GOLGA5: variants seen among roughly 807,000 people sequenced by gnomAD.
The protein encoded by GOLGA5 is golgin A5.
Under a neutral mutation model 93.5 loss-of-function variants are expected in GOLGA5, and 50 were observed. The observed-to-expected ratio is 0.53, with a 90% CI of 0.43 to 0.68. The LOEUF (loss-of-function observed/expected upper bound fraction) is 0.68. GOLGA5 is among the 30% of genes least tolerant of loss of function. The pLI, the probability that GOLGA5 is intolerant of heterozygous loss-of-function variation, is 0.00. For synonymous variants in GOLGA5, 312 were observed against 304.5 expected (o/e 1.02, Z -0.26); for missense variants, 760 against 856.4 (o/e 0.89, Z 1.40).
chr14:92,798,678 C>T (rs926986283), intron 2 of GOLGA5, among the ~76,000 whole-genome samples: 3 of 152,264 alleles, frequency 2.0e-5, no homozygotes, highest in South Asian at 2.1e-4. Context: ...CACTTTGGAA[C>T]GCTGAGGCAG....
intron 9 of GOLGA5, 123 bp downstream of exon 9, chr14:92,824,767 A>G (rs1566959190): frequency 1.7e-6 from 1 of 595,200 alleles, no homozygotes; most frequent in Non-Finnish European, 3.0e-6. Flanking sequence ...AGTGGTGACA[A>G]AAGTTCTTTT....
rs375012765 is a variant in GOLGA5 at position 92,811,520 on chromosome 14, T to C, written c.1117-31T>C. The C allele has an allele frequency of 6.0e-6, 8 of 1,339,846 alleles. No individual in the cohort carries two copies. In the African/African-American group the frequency reaches 1.0e-4, roughly 17 times the overall value. The allele number at this position is 1,339,846 out of a possible 1,614,324, so 83.0% of individuals were successfully genotyped here. On this transcript the variant is annotated intron_variant, in intron 5 of 12. Transcript: ENST00000163416. ...AAATATGTTTCAAAGCTAAATGATA[T>C]CATTAATTATGATATAAAAATTTGT... is the stretch of plus-strand genomic sequence containing the variant.
chr14:92,811,850 A>G, intron 6 of GOLGA5, 96 bp downstream of exon 6: 2 of 873,222 alleles, frequency 2.3e-6, no homozygotes, highest in Non-Finnish European at 1.9e-6. Context: ...TGCTTTGTTC[A>G]TGTTCGTCTG....
intron 5 of GOLGA5, 144 bp from the exon 6 acceptor site, chr14:92,811,407 C>T (rs1885099021): frequency 1.6e-6 from 1 of 621,380 alleles, no homozygotes; most frequent in Admixed American, 3.0e-5. Flanking sequence ...TACTTTAGCT[C>T]CTAACAAATT....
chr14:92,811,273 A>G (rs185011016), intron 5 of GOLGA5, among the ~76,000 whole-genome samples: 26 of 152,270 alleles, frequency 1.7e-4, no homozygotes, highest in African/African-American at 6.0e-4. Context: ...AGATTCCCAG[A>G]CCCATCTTGA....
rs759581860 is a variant in GOLGA5, at chr14:92,835,658, A to G, written c.2045A>G (p.Gln682Arg). The G allele has an allele frequency of 3.8e-6, 6 of 1,596,844 alleles. No homozygotes were observed. In the African/African-American group the frequency reaches 6.7e-5, roughly 18 times the overall value. The change falls in exon 11 of 13, where the codon CAG (glutamine) becomes CGG (arginine). Residue 682 changes from glutamine (Q) to arginine (R), a missense_variant. By Grantham distance (43) the Gln-to-Arg change is conservative. Coordinates refer to ENST00000163416, the MANE Select transcript of GOLGA5 (RefSeq NM_005113.4). ...CGCAAAGCTGCTAGTTCAATTGATC[A>G]GTTTAGGTAAGCAATGCCAGTAGGG... ...KVRKAASSIDQFSIRLGIFLR... is the reference protein window; with the variant it reads ...KVRKAASSIDRFSIRLGIFLR...
chr14:92,800,830 G>A lies in GOLGA5; in HGVS notation c.544+2849G>A, dbSNP rs1951177. Among the ~76,000 whole-genome samples the A allele has an allele frequency of 2.5e-3, 384 of 152,322 alleles. 1 individual carries two copies. The highest frequency in any genetic ancestry group is 4.2e-3 in the Non-Finnish European group (285 of 68,018). ...TATTTTTGTACTTTTAAAGAAAGCA[G>A]CTTGCATTTAATTAGAAAGAATGGA... On this transcript the variant is annotated intron_variant, in intron 2 of 12. Coordinates refer to ENST00000163416, the MANE Select transcript of GOLGA5 (RefSeq NM_005113.4).
intron 1 of GOLGA5, among the ~76,000 whole-genome samples, chr14:92,796,794 C>A (rs1484649410): frequency 1.3e-5 from 1 of 78,124 alleles, no homozygotes. Flanking sequence ...CAAGGTGAAA[C>A]CCCGTCTCTA....
At chr14:92,834,644 T>C (rs944103913) in intron 10 of GOLGA5, among the ~76,000 whole-genome samples, 6 of 152,188 alleles carry the variant, frequency 3.9e-5, no homozygotes, top group African/African-American at 1.2e-4. Context: ...AAGACACTTG[T>C]GTAAGATGAA....
intron 9 of GOLGA5, among the ~76,000 whole-genome samples, chr14:92,825,302 G>A (rs1203142588): frequency 6.6e-6 from 1 of 152,140 alleles, no homozygotes; most frequent in Admixed American, 6.5e-5. Context: ...GGTCTTTTAA[G>A]TTTCCAGACT....
Position 92,816,305 on chromosome 14 carries a change from G to A in GOLGA5, c.1375G>A (p.Asp459Asn). 6.2e-7 allele frequency: 1 copy of A among 1,613,998 alleles called. No individual in the cohort carries two copies. Among genetic ancestry groups the A allele is most frequent in the South Asian group, 1.1e-5 (1 of 91,070 alleles). Reference protein sequence around the residue: ...LKEGSGFEGLDSSTASSMELE... With the variant: ...LKEGSGFEGLNSSTASSMELE... ...AGAAGGCTCTGGTTTTGAAGGCCTA[G>A]ATAGCAGCACTGCCAGTAGCATGGA... Residue 459 changes from aspartate (D) to asparagine (N), a missense_variant, in exon 7 of 13, where the codon GAT (aspartate) becomes AAT (asparagine). By Grantham distance (23) the Asp-to-Asn change is conservative. Transcript: ENST00000163416.
chr14:92,837,345 C>T (rs1263454866), intron 11 of GOLGA5, 41 bp from the exon 12 acceptor site: 1 of 947,550 alleles, frequency 1.1e-6, no homozygotes. Flanking sequence ...TTGACTGTGA[C>T]TCTTCTCTCT....
chr14:92,834,308 C>G (rs34334684), intron 10 of GOLGA5, among the ~76,000 whole-genome samples: 1 of 151,480 alleles, frequency 6.6e-6, no homozygotes, highest in Non-Finnish European at 1.5e-5. Flanking sequence ...CCCATTAACT[C>G]GTCATTTAGC....
chr14:92,831,550 G>T (rs1341408272), intron 9 of GOLGA5, among the ~76,000 whole-genome samples: 3 of 152,074 alleles, frequency 2.0e-5, no homozygotes, highest in Non-Finnish European at 4.4e-5. Flanking sequence ...TGGAAACATT[G>T]TTTGTTTTGA....
chr14:92,814,005 T>G (rs117643032), intron 6 of GOLGA5, among the ~76,000 whole-genome samples: 6 of 152,030 alleles, frequency 3.9e-5, no homozygotes, highest in Non-Finnish European at 7.4e-5. Flanking sequence ...GAATGATGTT[T>G]CCTTGTGTTA....
chr14:92,796,955 C>A (rs1455319055), intron 1 of GOLGA5, among the ~76,000 whole-genome samples: 1 of 95,108 alleles, frequency 1.1e-5, no homozygotes, highest in Non-Finnish European at 1.8e-5. Context: ...CCGGCCTGGG[C>A]GACAGAGCGA....
At chr14:92,823,227 G>C (rs1347198860) in intron 8 of GOLGA5, among the ~76,000 whole-genome samples, 1 of 151,904 alleles carries the variant, frequency 6.6e-6, no homozygotes, top group Admixed American at 6.6e-5. Context: ...TTATTGATTT[G>C]AGATGTCACC....
Position 92,809,518 on chromosome 14 carries a change from CG to C in GOLGA5, c.992+1del. The C allele has an allele frequency of 6.3e-7, 1 of 1,583,468 alleles. No individual in the cohort carries two copies. The highest frequency in any genetic ancestry group is 8.7e-7 in the Non-Finnish European group (1 of 1,152,946). On this transcript the variant is annotated frameshift_variant and splice_region_variant, in exon 4 of 13. Transcript: ENST00000163416. LOFTEE classifies it high-confidence loss of function. ...ALEALQSEKSRIMQDQSEGNS... is the reference protein window; with the variant it reads ...ALEALQSEKSXIMQDQSEGNS... ...AGAAGCCTTACAGAGTGAAAAATCA[CG>C]GTAGGTGATTCTATGAATAATGAAA...
intron 1 of GOLGA5, among the ~76,000 whole-genome samples, chr14:92,795,036 T>C (rs1270122557): frequency 2.0e-5 from 3 of 152,210 alleles, no homozygotes; most frequent in African/African-American, 7.2e-5. Context: ...TTGCATGGTA[T>C]GTTTTAAAGC....
Sources: allele counts gnomAD v4.1 joint callset (sites outside exome capture counted in the v4.1 genomes callset), GRCh38; gene constraint gnomAD v4.1.1; transcripts MANE v1.5; gene names NCBI Gene and HGNC (gene_info 2026-07-23, HGNC 2026-07-21).